Variants in DOP1B observed in about 807,000 individuals in gnomAD.
DOP1B encodes the protein protein DOP1B.
Under a neutral mutation model 233.5 loss-of-function variants are expected in DOP1B, and 174 were observed. The observed-to-expected ratio is 0.75, with a 90% CI of 0.66 to 0.85. The LOEUF (loss-of-function observed/expected upper bound fraction) is 0.85, where lower values mean the gene tolerates loss of function less well. Among genes scored for constraint, DOP1B ranks in the 40% least tolerant of loss-of-function variants. The probability of loss-of-function intolerance (pLI) is 0.00; values close to 1 mark genes in which losing one functional copy is unlikely to be tolerated. For synonymous variants in DOP1B, 1,190 were observed against 1,185.6 expected (o/e 1.00, Z -0.08); for missense variants, 2,652 against 2,846.6 (o/e 0.93, Z 1.56).
intron 1 of DOP1B, among the ~76,000 whole-genome samples, chr21:36,157,580 T>C (rs1212381957): frequency 6.6e-6 from 1 of 151,744 alleles, no homozygotes; most frequent in Admixed American, 6.6e-5. Flanking sequence ...GGGAAGACTT[T>C]GCTAGGATTT....
chr21:36,247,714 T>C (rs2066984871), intron 20 of DOP1B, 86 bp downstream of exon 20: 13 of 955,158 alleles, frequency 1.4e-5, no homozygotes, highest in Non-Finnish European at 6.3e-6. Context: ...AAGTAACGTA[T>C]GTATGTAATG....
intron 26 of DOP1B, among the ~76,000 whole-genome samples, chr21:36,268,731 A>C (rs1376374050): frequency 6.6e-6 from 1 of 152,144 alleles, no homozygotes; most frequent in Non-Finnish European, 1.5e-5. Context: ...GTGCAGTGGC[A>C]CTATCTTGGC....
chr21:36,201,002 AGAGAT>A (rs1302932947), intron 4 of DOP1B, among the ~76,000 whole-genome samples: 1 of 152,170 alleles, frequency 6.6e-6, no homozygotes, highest in Non-Finnish European at 1.5e-5. Context: ...CCGAGCCCGG[AGAGAT>A]GAGATCCTTT....
At position 36,288,228 on chromosome 21, in the gene DOP1B, T is replaced by C. The variant is rs951577865; in HGVS notation, c.6297+78T>C. 54 of 1,353,812 alleles carry C rather than the reference T, an allele frequency of 4.0e-5. No homozygotes were observed. The Admixed American group carries it at 1.2e-3, about 30-fold the overall frequency. 83.9% of individuals were successfully genotyped at this position (1,353,812 alleles called of 1,614,324 possible). A position where few individuals can be genotyped will look rare whatever the true frequency, so the allele number is the denominator to read the frequency against. On this transcript the variant is annotated intron_variant, in intron 33 of 36. Transcript: ENST00000691173. ...TTTTTCAGTAACATAACGTACTATT[T>C]CCTATGTATCCCATTTTATCTAAAT...
chr21:36,262,824 G>A (rs1469487671), intron 24 of DOP1B, among the ~76,000 whole-genome samples: 2 of 152,084 alleles, frequency 1.3e-5, no homozygotes, highest in Non-Finnish European at 1.5e-5. Flanking sequence ...CCGGGGGGCA[G>A]AGGTTGCAGT....
At chr21:36,169,186 C>T in intron 2 of DOP1B, 1 of 1,039,944 alleles carries the variant, frequency 9.6e-7, no homozygotes, top group South Asian at 1.3e-5. Context: ...AGCCTTTCAG[C>T]ATAACAGAGT....
chr21:36,276,542 TAAA>T (rs1454631340), intron 27 of DOP1B, among the ~76,000 whole-genome samples: 2 of 145,080 alleles, frequency 1.4e-5, no homozygotes, highest in Admixed American at 1.4e-4. Context: ...AAAATAAAAA[TAAA>T]AAAGTTGAAT....
intron 3 of DOP1B, 68 bp from the exon 4 acceptor site, chr21:36,200,263 G>T (rs1269636031): frequency 6.7e-7 from 1 of 1,496,928 alleles, no homozygotes; most frequent in South Asian, 1.4e-5. Flanking sequence ...CCCTCGGCTG[G>T]CTTGTCACCT....
At chr21:36,168,100 C>T (rs573281302) in intron 2 of DOP1B, among the ~76,000 whole-genome samples, 75 of 151,878 alleles carry the variant, frequency 4.9e-4, no homozygotes, top group Middle Eastern at 6.8e-3. Flanking sequence ...CACACCACCA[C>T]ACCCGGCTAA....
intron 23 of DOP1B, 46 bp from the exon 24 acceptor site, chr21:36,260,631 T>C (rs2067159388): frequency 6.2e-7 from 1 of 1,611,588 alleles, no homozygotes; most frequent in African/African-American, 1.3e-5. Flanking sequence ...TCTTTTAGCC[T>C]TATTTCCCAC....
intron 26 of DOP1B, among the ~76,000 whole-genome samples, chr21:36,266,660 A>G (rs1184186856): frequency 1.3e-5 from 2 of 152,188 alleles, no homozygotes; most frequent in Non-Finnish European, 2.9e-5. Context: ...GCTTCATTAC[A>G]TAGGCATGAT....
chr21:36,239,888 C>T lies in DOP1B; in HGVS notation c.3000C>T (p.Leu1000=), dbSNP rs1383755032. 2.5e-6 allele frequency: 4 copies of T among 1,607,076 alleles called. No individual in the cohort carries two copies. In the African/African-American group the frequency reaches 5.4e-5, roughly 22 times the overall value. Reference sequence around the variant, plus strand: ...TGGCTCGCATCCTCGAACCCGTGCTCCTGCTGCTGCTGCAGCCAAAAACCC... The same window carrying T: ...TGGCTCGCATCCTCGAACCCGTGCTTCTGCTGCTGCTGCAGCCAAAAACCC... ...GDVARILEPV[L]LLLLQPKTQR... Residue 1000 remains leucine, a synonymous_variant, in exon 18 of 37, where the codon CTC becomes CTT. Coordinates refer to ENST00000691173, the MANE Select transcript of DOP1B (RefSeq NM_001320714.2).
chr21:36,213,760 G>A (rs955287415), intron 7 of DOP1B, among the ~76,000 whole-genome samples: 40 of 147,802 alleles, frequency 2.7e-4, no homozygotes, highest in Non-Finnish European at 1.6e-4. Flanking sequence ...CGCTGGTTTC[G>A]AACTCCTGAC....
At chr21:36,259,793 A>G (rs890251353) in intron 23 of DOP1B, among the ~76,000 whole-genome samples, 1 of 152,206 alleles carries the variant, frequency 6.6e-6, no homozygotes, top group African/African-American at 2.4e-5. Flanking sequence ...TTCCTGGGCT[A>G]TAAAGGAACC....
chr21:36,241,503 CTTTTT>C (rs1165636640), intron 18 of DOP1B, among the ~76,000 whole-genome samples: 1 of 76,472 alleles, frequency 1.3e-5, no homozygotes, highest in Non-Finnish European at 2.3e-5. Context: ...TTATCTTAAT[CTTTTT>C]TTTTTTTTTT....
At position 36,246,221 on chromosome 21, in the gene DOP1B, C is replaced by T; in HGVS notation, c.4241C>T (p.Pro1414Leu). The change falls in exon 19 of 37, where the codon CCA becomes CTA. Residue 1414 changes from proline (P) to leucine (L), a missense_variant. This residue lies in a region of DOP1B where 2,617 missense variants were observed against 2,794.3 expected (regional missense o/e 0.94). Transcript: ENST00000691173. This position sits in a 1 kb window ranked among gnomAD's most constrained non-coding sequence, Gnocchi z 5.1. ...ACCGCCCACCACGGCAGGGCCCTGC[C>T]AGAGGACAGCCTCTTTGAGGAGAGT... The part of the protein sequence containing the change: ...LATAHHGRAL[P>L]EDSLFEESLI... 2 of 1,613,872 alleles carry T rather than the reference C, an allele frequency of 1.2e-6. No individual in the cohort carries two copies. The highest frequency in any genetic ancestry group is 2.2e-5 in the South Asian group (2 of 91,088).
intron 24 of DOP1B, chr21:36,261,140 G>A (rs1202601018): frequency 1.6e-5 from 16 of 973,576 alleles, no homozygotes; most frequent in African/African-American, 7.0e-5. Flanking sequence ...GGAGGCAGGC[G>A]GATCACTTGA....
In DOP1B at chr21:36,246,816, G is replaced by A. The variant is rs1199141283; in HGVS notation, c.4697+139G>A. Reference sequence around the variant, plus strand: ...AGCCTGTTTAGCATTATCAAGAGGGGTAACAAGCAACTAAATGTTCTGATC... The same window carrying A: ...AGCCTGTTTAGCATTATCAAGAGGGATAACAAGCAACTAAATGTTCTGATC... On this transcript the variant is annotated intron_variant, in intron 19 of 36. Transcript: ENST00000691173. This position sits in a 1 kb window ranked among gnomAD's most constrained non-coding sequence, Gnocchi z 5.1. The A allele has an allele frequency of 2.6e-5, 25 of 951,828 alleles. No individual in the cohort carries two copies. In the East Asian group the frequency reaches 5.9e-4, roughly 23 times the overall value. The allele number at this position is 951,828 out of a possible 1,614,324, so 59.0% of individuals were successfully genotyped here.
intron 1 of DOP1B, among the ~76,000 whole-genome samples, chr21:36,162,479 G>A (rs56353416): frequency 0.043 from 6,589 of 152,152 alleles, 194 homozygotes; most frequent in Non-Finnish European, 0.064. Flanking sequence ...GAGCCACTCC[G>A]TTCAGCTGGT....
Sources: gnomAD v4.1 joint callset for allele counts (sites outside exome capture counted in the v4.1 genomes callset) on GRCh38, gnomAD v4.1.1 for gene constraint, gnomAD v4.1.1 regional missense constraint, Gnocchi (gnomAD v3.1) non-coding constraint, MANE v1.5 for transcripts, NCBI Gene and HGNC (gene_info 2026-07-23, HGNC 2026-07-21) for gene names.